Variants in STARD13 observed in about 807,000 individuals in gnomAD.
The protein encoded by STARD13 is stAR-related lipid transfer protein 13.
A neutral mutation model predicts 106.4 loss-of-function variants in STARD13; 62 were observed. The ratio of observed to expected loss-of-function variants is 0.58; its 90% confidence interval spans 0.48 to 0.72. The LOEUF is 0.72. Ranked by LOEUF, STARD13 falls within the 30% of genes least tolerant of loss-of-function variation. The probability of loss-of-function intolerance (pLI) is 0.00; values close to 1 mark genes in which losing one functional copy is unlikely to be tolerated. For synonymous variants in STARD13, 565 were observed against 553.0 expected (o/e 1.02, Z -0.31); for missense variants, 1,387 against 1,424.0 (o/e 0.97, Z 0.42).
chr13:33,212,867 AT>A (rs1887805772), intron 1 of STARD13, among the ~76,000 whole-genome samples: 1 of 152,218 alleles, frequency 6.6e-6, no homozygotes, highest in African/African-American at 2.4e-5. Flanking sequence ...ACCTTTCCTT[AT>A]AAAATGACAC....
At chr13:33,362,859 T>C in the STARD13 span, among the ~76,000 whole-genome samples, 1 of 152,248 alleles carries the variant, frequency 6.6e-6, no homozygotes, top group Non-Finnish European at 1.5e-5. Context: ...CTTGTCTTTC[T>C]TTCCCGAAAC....
At chr13:33,124,271 T>C (rs1876808073) in intron 7 of STARD13, among the ~76,000 whole-genome samples, 1 of 152,210 alleles carries the variant, frequency 6.6e-6, no homozygotes, top group East Asian at 1.9e-4. Flanking sequence ...GGGAGGGACA[T>C]TCCAAGGCTG....
the STARD13 span, among the ~76,000 whole-genome samples, chr13:33,399,697 TC>T: frequency 0.2 from 17,513 of 87,490 alleles, 1,950 homozygotes; most frequent in East Asian, 0.49. Context: ...CAAGACTCTG[TC>T]TCAAAAAAAA....
intron 1 of STARD13, among the ~76,000 whole-genome samples, chr13:33,315,202 A>G (rs1011292786): frequency 9.9e-5 from 15 of 152,238 alleles, no homozygotes; most frequent in African/African-American, 2.4e-4. Context: ...TCTTTGTAGC[A>G]CAAATGTGAA....
At chr13:33,180,665 T>C (rs1408038855) in intron 1 of STARD13, 1 of 152,208 alleles carries the variant, frequency 6.6e-6, no homozygotes, top group Non-Finnish European at 1.5e-5. Context: ...TCATTCTCAC[T>C]ATGAGAAACA....
chr13:33,257,677 C>CT (rs1890434128), intron 1 of STARD13, among the ~76,000 whole-genome samples: 1 of 152,148 alleles, frequency 6.6e-6, no homozygotes, highest in Non-Finnish European at 1.5e-5. Context: ...TTATTTTACC[C>CT]TTACTTTTTA....
At chr13:33,271,395 A>G (rs1891150818) in intron 1 of STARD13, 1 of 152,282 alleles carries the variant, frequency 6.6e-6, no homozygotes, top group African/African-American at 2.4e-5. Context: ...AAGTCACAAG[A>G]GGCCCTGAGC....
Position 33,103,727 on chromosome 13 carries a change from T to G in STARD13, c.*1866A>C, listed in dbSNP as rs1012483144. On this transcript the variant is annotated 3_prime_UTR_variant, in exon 14 of 14. Transcript: ENST00000336934. ...TCATCCTCGTGTGCCTATCACGTTTTCCAAACACATAGGATCCCATCTCAG... is the reference window on the plus strand; with the variant it reads ...TCATCCTCGTGTGCCTATCACGTTTGCCAAACACATAGGATCCCATCTCAG... 1 of 152,470 alleles carries G rather than the reference T, an allele frequency of 6.6e-6. No individual in the cohort carries two copies. The highest frequency in any genetic ancestry group is 6.5e-5 in the Admixed American group (1 of 15,278). The allele number at this position is 152,470 out of a possible 1,614,324, so 9.4% of individuals were successfully genotyped here. A position where few individuals can be genotyped will look rare whatever the true frequency, so the allele number is the denominator to read the frequency against.
rs569664592 is a variant in STARD13 at position 33,230,147 on chromosome 13, C to G, written c.169+55323G>C. Among the ~76,000 whole-genome samples the G allele has an allele frequency of 2.0e-5, 3 of 152,318 alleles. No homozygotes were observed. In the South Asian group the frequency reaches 6.2e-4, roughly 32 times the overall value. On this transcript the variant is annotated intron_variant, in intron 1 of 13. Transcript: ENST00000336934. Reference sequence around the variant, plus strand: ...AGAAGGAGATTGTAGCCATCGTTCTCCAGTGAAGACCATGGCAAATGGTAA... The same window carrying G: ...AGAAGGAGATTGTAGCCATCGTTCTGCAGTGAAGACCATGGCAAATGGTAA...
At chr13:33,581,087 A>C in the STARD13 span, among the ~76,000 whole-genome samples, 2 of 152,150 alleles carry the variant, frequency 1.3e-5, no homozygotes, top group African/African-American at 4.8e-5. Context: ...TTTTCTGGAC[A>C]ATTAATTTTG....
At chr13:33,139,748 A>AT (rs34920267) in intron 4 of STARD13, among the ~76,000 whole-genome samples, 4,749 of 150,666 alleles carry the variant, frequency 0.032, 226 homozygotes, top group African/African-American at 0.099. Context: ...GCTCCTATTC[A>AT]TTTTTTTTTC....
At chr13:33,299,586 G>A (rs914003838) in intron 1 of STARD13, among the ~76,000 whole-genome samples, 3 of 152,074 alleles carry the variant, frequency 2.0e-5, no homozygotes, top group African/African-American at 7.2e-5. Context: ...CTCAAACCTG[G>A]GCCTGGGAGG....
chr13:33,270,234 TAAAACAAAACAAAA>T (rs1195395191), intron 1 of STARD13, among the ~76,000 whole-genome samples: 1 of 152,086 alleles, frequency 6.6e-6, no homozygotes, highest in East Asian at 1.9e-4. Flanking sequence ...AGACTCGGCC[TAAAACAAAACAAAA>T]AAACAAAACA....
chr13:33,583,806 A>AT, the STARD13 span, among the ~76,000 whole-genome samples: 24 of 149,252 alleles, frequency 1.6e-4, no homozygotes, highest in East Asian at 5.9e-4. Context: ...CATCATAACA[A>AT]TTTTTTTTTT....
chr13:33,516,195 ATATT>A, the STARD13 span, among the ~76,000 whole-genome samples: 1 of 148,012 alleles, frequency 6.8e-6, no homozygotes, highest in Non-Finnish European at 1.5e-5. Flanking sequence ...TGAATTATAT[ATATT>A]TATGTCATAA....
rs75158212 is a variant in STARD13 at position 33,173,176 on chromosome 13, C to T, written c.170-5554G>A. ...TATATCAAAGGTGTTAACATTTCAA[C>T]GGGCTTGTGGTTGCTGGCTTAGGAT... On this transcript the variant is annotated intron_variant, in intron 1 of 13. Transcript: ENST00000336934. 1.2e-4 allele frequency among the ~76,000 whole-genome samples: 18 copies of T among 152,288 alleles called. No homozygotes were observed. In the East Asian group the frequency reaches 2.5e-3, roughly 21 times the overall value.
the STARD13 span, among the ~76,000 whole-genome samples, chr13:33,492,204 T>C: frequency 6.6e-6 from 1 of 152,206 alleles, no homozygotes; most frequent in South Asian, 2.1e-4. Context: ...TCTGGATGTA[T>C]ATGTGCAGGT....
At chr13:33,656,387 C>T in the STARD13 span, among the ~76,000 whole-genome samples, 4 of 152,166 alleles carry the variant, frequency 2.6e-5, no homozygotes, top group East Asian at 3.8e-4. Flanking sequence ...AAGCTTTCTA[C>T]GATGTTTAAT....
the STARD13 span, among the ~76,000 whole-genome samples, chr13:33,501,455 T>G: frequency 6.6e-6 from 1 of 152,172 alleles, no homozygotes; most frequent in Non-Finnish European, 1.5e-5. Context: ...ATGAAATCCT[T>G]GCCTATGCCT....
Sources: gnomAD v4.1 joint callset for allele counts (sites outside exome capture counted in the v4.1 genomes callset) on GRCh38, gnomAD v4.1.1 for gene constraint, MANE v1.5 for transcripts, NCBI Gene and HGNC (gene_info 2026-07-23, HGNC 2026-07-21) for gene names.